The following CDH23 variants were observed in gnomAD, a reference collection of about 807,000 sequenced individuals.
CDH23 encodes the protein cadherin-23.
Under a neutral mutation model 317.1 loss-of-function variants are expected in CDH23, and 189 were observed. The ratio of observed to expected loss-of-function variants is 0.60; its 90% CI spans 0.53 to 0.67. CDH23 has a LOEUF of 0.67. Among genes scored for constraint, CDH23 ranks in the 30% least tolerant of loss-of-function variants. CDH23 has a pLI of 0.00. For synonymous variants in CDH23, 1,839 were observed against 1,876.8 expected, an observed-to-expected ratio of 0.98 and a Z score of 0.52; for missense variants, 4,401 against 4,592.4, an observed-to-expected ratio of 0.96 and a Z score of 1.20.
chr10:71,561,021 G>T (rs1367819748), intron 6 of CDH23, among the ~76,000 whole-genome samples: 4 of 152,096 alleles, frequency 2.6e-5, no homozygotes, highest in African/African-American at 9.7e-5. Context: ...CACCCTAAAG[G>T]TGAGAGGGTG....
chr10:71,432,194 TTGTG>T (rs905705910), intron 1 of CDH23, among the ~76,000 whole-genome samples: 20 of 151,740 alleles, frequency 1.3e-4, no homozygotes, highest in Admixed American at 4.6e-4. Context: ...CAGAACGCAA[TTGTG>T]TGTGTGTGAG....
At chr10:71,806,036 C>CGGGGGGGGGGGGGGGGGGTGGGGGGG in intron 56 of CDH23, 39 bp downstream of exon 56, 1 of 642,680 alleles carries the variant, frequency 1.6e-6, no homozygotes, top group Non-Finnish European at 2.4e-6. Context: ...GGGTCTGGGG[C>CGGGGGGGGGGGGGGGGGGTGGGGGGG]GGGGCTTTCT....
chr10:71,554,192 T>C (rs1167197714), intron 6 of CDH23, among the ~76,000 whole-genome samples: 1 of 152,180 alleles, frequency 6.6e-6, no homozygotes, highest in East Asian at 1.9e-4. Context: ...TTTTGTTTTG[T>C]CGGATTTTTG....
intron 31 of CDH23, among the ~76,000 whole-genome samples, 200 bp from the exon 32 acceptor site, chr10:71,731,787 C>T (rs1839397055): frequency 2.0e-5 from 3 of 152,240 alleles, no homozygotes; most frequent in Admixed American, 2.0e-4. Flanking sequence ...GAAGGCTCAA[C>T]AGTGCATGCT....
At chr10:71,530,840 C>T (rs938364467) in intron 6 of CDH23, among the ~76,000 whole-genome samples, 3 of 152,222 alleles carry the variant, frequency 2.0e-5, no homozygotes, top group Admixed American at 2.0e-4. Flanking sequence ...CATTCTTCGA[C>T]CACCTTGGAG....
chr10:71,564,435 T>C (rs527680570), intron 6 of CDH23, among the ~76,000 whole-genome samples: 1 of 152,384 alleles, frequency 6.6e-6, no homozygotes, highest in South Asian at 2.1e-4. Flanking sequence ...CTCTAAGTTA[T>C]GCAGAAATTA....
chr10:71,759,082 G>A (rs965723252), intron 38 of CDH23, among the ~76,000 whole-genome samples: 88 of 151,920 alleles, frequency 5.8e-4, no homozygotes, highest in Non-Finnish European at 3.7e-4. Context: ...TCTATCAGCA[G>A]GCTGGAGTGC....
chr10:71,802,772 A>G lies in CDH23; in HGVS notation c.7483-126A>G. 3.1e-6 allele frequency: 3 copies of G among 981,844 alleles called. No individual in the cohort carries two copies. In the South Asian group the frequency reaches 4.3e-5, roughly 14 times the overall value. 60.8% of individuals were successfully genotyped at this position (981,844 alleles called of 1,614,324 possible). On this transcript the variant is annotated intron_variant, in intron 53 of 69. Coordinates refer to ENST00000224721, the MANE Select transcript of CDH23 (RefSeq NM_022124.6). ...TCAAGTCAGACTCCAACACATTAGA[A>G]GACATTACCTCCCTCCCAGGCTGGT...
At chr10:71,555,737 T>C (rs1856841412) in intron 6 of CDH23, among the ~76,000 whole-genome samples, 1 of 152,176 alleles carries the variant, frequency 6.6e-6, no homozygotes, top group Non-Finnish European at 1.5e-5. Flanking sequence ...CCTTAGTCTC[T>C]GAATAGGAAG....
At chr10:71,665,627 TGAG>T (rs1863856014) in intron 14 of CDH23, among the ~76,000 whole-genome samples, 1 of 151,678 alleles carries the variant, frequency 6.6e-6, no homozygotes, top group South Asian at 2.1e-4. Context: ...GTGGGCGAGG[TGAG>T]GAGGCTGCTT....
intron 53 of CDH23, among the ~76,000 whole-genome samples, chr10:71,801,143 T>G (rs1272953540): frequency 7.9e-6 from 1 of 127,180 alleles, no homozygotes. Flanking sequence ...TTTATGTCTC[T>G]CTCTCTCTTT....
At chr10:71,753,034 G>C in intron 38 of CDH23, 1 of 1,608,440 alleles carries the variant, frequency 6.2e-7, no homozygotes, top group Non-Finnish European at 8.5e-7. Flanking sequence ...AGCTGGTCAT[G>C]GAAGGGAAGG....
rs1411833140 is a variant in CDH23, at chr10:71,790,331, T to C, written c.5967T>C (p.Asp1989=). The change falls in exon 46 of 70, where the codon GAT becomes GAC. Residue 1989 remains aspartate, a synonymous_variant. Coordinates refer to ENST00000224721, the MANE Select transcript of CDH23 (RefSeq NM_022124.6). ...TVLNGPILAL[D]ADQDIYAVVT... is the part of the protein sequence containing the mutation. The stretch of plus-strand genomic sequence containing the variant: ...TCAATGGGCCCATCCTGGCCCTGGA[T>C]GCAGACCAAGACATCTACGCCGTGG... The C allele has an allele frequency of 2.9e-5, 47 of 1,613,802 alleles. No individual in the cohort carries two copies. Among genetic ancestry groups the C allele is most frequent in the Non-Finnish European group, 3.8e-5 (45 of 1,179,880 alleles).
intron 56 of CDH23, 57 bp from the exon 57 acceptor site, chr10:71,806,110 TC>T (rs1283906731): frequency 5.9e-6 from 9 of 1,529,174 alleles, no homozygotes; most frequent in Non-Finnish European, 7.9e-6. Flanking sequence ...CACCGGGAAG[TC>T]CCCAAGCCAA....
chr10:71,635,576 C>T (rs79079466), intron 11 of CDH23, among the ~76,000 whole-genome samples: 6,047 of 151,192 alleles, frequency 0.04, 159 homozygotes, highest in Non-Finnish European at 0.062. Context: ...AGATAACCTG[C>T]GGAGAGGAGG....
intron 9 of CDH23, among the ~76,000 whole-genome samples, chr10:71,598,273 G>A (rs1362229495): frequency 6.6e-6 from 1 of 152,238 alleles, no homozygotes; most frequent in East Asian, 1.9e-4. Flanking sequence ...GGCCTAGGCT[G>A]GGGACAGTGT....
At chr10:71,524,285 T>A (rs1335790311) in intron 6 of CDH23, among the ~76,000 whole-genome samples, 1 of 152,180 alleles carries the variant, frequency 6.6e-6, no homozygotes. Context: ...TGTTGCAGGA[T>A]GCCGTCCCTG....
intron 3 of CDH23, among the ~76,000 whole-genome samples, chr10:71,460,672 G>T (rs1296310199): frequency 6.6e-6 from 1 of 152,160 alleles, no homozygotes; most frequent in Non-Finnish European, 1.5e-5. Flanking sequence ...CACCCTGCTC[G>T]CCCCATCCAT....
At chr10:71,607,360 G>T (rs1448665729) in intron 9 of CDH23, among the ~76,000 whole-genome samples, 3 of 152,228 alleles carry the variant, frequency 2.0e-5, no homozygotes, top group African/African-American at 7.2e-5. Flanking sequence ...ACCTCTCACT[G>T]CCTGGATGAT....
Sources: allele counts gnomAD v4.1 joint callset (sites outside exome capture counted in the v4.1 genomes callset), GRCh38; gene constraint gnomAD v4.1.1; transcripts MANE v1.5; gene names NCBI Gene and HGNC (gene_info 2026-07-23, HGNC 2026-07-21).